Variants in RNF150 observed in about 807,000 individuals in gnomAD.
The protein encoded by RNF150 is ring finger protein 150.
RNF150 carries 24 observed loss-of-function variants against 39.3 expected under a neutral mutation model. That is an observed-to-expected ratio of 0.61 (90% confidence interval 0.44 to 0.86). The LOEUF (loss-of-function observed/expected upper bound fraction) is 0.86, where lower values mean the gene tolerates loss of function less well. RNF150 is among the 40% of genes least tolerant of loss of function. The pLI, the probability that RNF150 is intolerant of heterozygous loss-of-function variation, is 0.00. For synonymous variants in RNF150, 255 were observed against 227.3 expected (o/e 1.12, Z -1.10); for missense variants, 502 against 587.8 (o/e 0.85, Z 1.51).
chr4:141,190,784 T>G (rs1200971537), intron 1 of RNF150, among the ~76,000 whole-genome samples: 1 of 152,244 alleles, frequency 6.6e-6, no homozygotes, highest in East Asian at 1.9e-4. Flanking sequence ...GTCCTGTTAA[T>G]CCAATCTGCA....
intron 1 of RNF150, among the ~76,000 whole-genome samples, chr4:141,151,459 CACAG>C (rs1208871435): frequency 4.8e-4 from 3 of 6,310 alleles, no homozygotes; most frequent in African/African-American, 6.6e-4. Flanking sequence ...CACACACACA[CACAG>C]ACACACACAC....
At chr4:140,960,788 G>C (rs747998389) in intron 2 of RNF150, among the ~76,000 whole-genome samples, 1 of 152,128 alleles carries the variant, frequency 6.6e-6, no homozygotes, top group Non-Finnish European at 1.5e-5. Context: ...CTATATGTAA[G>C]GTATGTAAGA....
At chr4:141,204,907 C>G (rs1728350352) in intron 1 of RNF150, among the ~76,000 whole-genome samples, 1 of 152,048 alleles carries the variant, frequency 6.6e-6, no homozygotes, top group Admixed American at 6.5e-5. Context: ...TTCATATAAG[C>G]AAAACTCAGG....
chr4:140,929,511 C>G (rs1042996008), intron 4 of RNF150, among the ~76,000 whole-genome samples: 27 of 151,930 alleles, frequency 1.8e-4, no homozygotes, highest in African/African-American at 6.3e-4. Context: ...GGACTACAGG[C>G]ACCCACCACC....
At chr4:141,134,492 C>T (rs1457333159), upstream of RNF150, among the ~76,000 whole-genome samples, 1 of 152,146 alleles carries the variant, frequency 6.6e-6, no homozygotes, top group African/African-American at 2.4e-5. Context: ...CTGCCTTTTC[C>T]CCAGGACTTT....
At chr4:140,932,605 G>A (rs1056935557) in intron 4 of RNF150, among the ~76,000 whole-genome samples, 2 of 152,158 alleles carry the variant, frequency 1.3e-5, no homozygotes, top group South Asian at 4.2e-4. Flanking sequence ...CTTTCCCAGT[G>A]TATTTCTTTG....
At chr4:141,161,070 A>C (rs1484632971) in intron 1 of RNF150, among the ~76,000 whole-genome samples, 1 of 152,178 alleles carries the variant, frequency 6.6e-6, no homozygotes, top group Non-Finnish European at 1.5e-5. Context: ...AGATGATAGG[A>C]AGGTGAGGGA....
At chr4:141,004,407 G>A (rs1734792232) in intron 1 of RNF150, among the ~76,000 whole-genome samples, 1 of 152,144 alleles carries the variant, frequency 6.6e-6, no homozygotes, top group African/African-American at 2.4e-5. Context: ...GAATGAGTAG[G>A]AGATTTCTCA....
At chr4:140,905,098 C>G (rs964288246) in intron 6 of RNF150, among the ~76,000 whole-genome samples, 4 of 152,156 alleles carry the variant, frequency 2.6e-5, no homozygotes, top group African/African-American at 9.7e-5. Flanking sequence ...GGGTGGTTTG[C>G]AGTGGTAGGC....
At chr4:140,935,480 C>T (rs1731828191) in intron 4 of RNF150, among the ~76,000 whole-genome samples, 1 of 152,060 alleles carries the variant, frequency 6.6e-6, no homozygotes, top group Non-Finnish European at 1.5e-5. Flanking sequence ...GCCAGAATGC[C>T]ATATTTAACG....
chr4:140,948,573 C>T (rs1429172758), intron 3 of RNF150, among the ~76,000 whole-genome samples: 1 of 152,126 alleles, frequency 6.6e-6, no homozygotes, highest in South Asian at 2.1e-4. Flanking sequence ...AAGGAGACTA[C>T]TGAAATGAAT....
intron 1 of RNF150, among the ~76,000 whole-genome samples, chr4:141,077,552 A>C (rs1737941908): frequency 6.6e-6 from 1 of 152,216 alleles, no homozygotes; most frequent in African/African-American, 2.4e-5. Context: ...AATGTTAAAA[A>C]ATTTGTTTGC....
intron 1 of RNF150, among the ~76,000 whole-genome samples, chr4:141,093,858 T>C (rs1738683022): frequency 2.0e-5 from 3 of 152,066 alleles, no homozygotes. Context: ...TAAGAGAATA[T>C]AAAATTAATA....
At chr4:141,041,153 C>T (rs570799225) in intron 1 of RNF150, among the ~76,000 whole-genome samples, 21 of 152,232 alleles carry the variant, frequency 1.4e-4, no homozygotes, top group African/African-American at 3.8e-4. Context: ...AATGTGGTTG[C>T]TATCCTTGAG....
chr4:141,199,090 A>G (rs1578793507), intron 1 of RNF150, among the ~76,000 whole-genome samples: 1 of 152,244 alleles, frequency 6.6e-6, no homozygotes, highest in African/African-American at 2.4e-5. Context: ...TTACCAAAGA[A>G]GTATGAATAG....
At chr4:141,116,553 T>C (rs1739555669) in intron 1 of RNF150, among the ~76,000 whole-genome samples, 1 of 152,194 alleles carries the variant, frequency 6.6e-6, no homozygotes, top group Admixed American at 6.5e-5. Context: ...GAGTGTAAAT[T>C]AGTTCAACCA....
intron 1 of RNF150, among the ~76,000 whole-genome samples, chr4:141,082,524 G>A (rs189208059): frequency 7.1e-4 from 108 of 152,326 alleles, no homozygotes; most frequent in Non-Finnish European, 1.4e-3. Context: ...CTACCTCAGA[G>A]CAGGAAGAAG....
chr4:140,879,036 G>C (rs1325328601), intron 6 of RNF150, among the ~76,000 whole-genome samples: 1 of 152,132 alleles, frequency 6.6e-6, no homozygotes, highest in Non-Finnish European at 1.5e-5. Flanking sequence ...ATGTAGTCTT[G>C]GCTCACTGTT....
At chr4:141,126,224 G>T (rs1003146441) in intron 1 of RNF150, among the ~76,000 whole-genome samples, 2 of 152,072 alleles carry the variant, frequency 1.3e-5, no homozygotes, top group African/African-American at 4.8e-5. Context: ...GGGAACTGAG[G>T]CTCTTAAAAA....
Sources: gnomAD v4.1 joint callset for allele counts (sites outside exome capture counted in the v4.1 genomes callset) on GRCh38, gnomAD v4.1.1 for gene constraint, MANE v1.5 for transcripts, NCBI Gene and HGNC (gene_info 2026-07-23, HGNC 2026-07-21) for gene names.